Variants in DSE observed in about 807,000 individuals in gnomAD.
The protein encoded by DSE is dermatan-sulfate epimerase.
DSE carries 36 observed loss-of-function variants against 84.4 expected under a neutral mutation model. That is an observed-to-expected ratio of 0.43 (90% CI 0.33 to 0.56). The LOEUF is 0.56. DSE is among the 20% of genes least tolerant of loss of function. The pLI is 0.06. For missense variants in DSE, 862 were observed against 1,169.6 expected (o/e 0.74, Z 3.84); for synonymous variants, 410 against 430.1 (o/e 0.95, Z 0.58).
intron 2 of DSE, among the ~76,000 whole-genome samples, chr6:116,297,218 C>T (rs552896728): frequency 6.6e-6 from 1 of 152,242 alleles, no homozygotes; most frequent in East Asian, 1.9e-4. Context: ...CCAAAGTCAA[C>T]CCTAGGAGCC....
At chr6:116,323,397 G>A (rs1390019912) in intron 2 of DSE, among the ~76,000 whole-genome samples, 1 of 151,976 alleles carries the variant, frequency 6.6e-6, no homozygotes, top group Non-Finnish European at 1.5e-5. Context: ...TTTTTTTATT[G>A]AGTAGTGAGA....
intron 4 of DSE, among the ~76,000 whole-genome samples, chr6:116,431,907 A>AT (rs1197894535): frequency 6.6e-6 from 1 of 152,164 alleles, no homozygotes; most frequent in African/African-American, 2.4e-5. Flanking sequence ...ATCAGGATAG[A>AT]TTCCCCCCCT....
intron 2 of DSE, among the ~76,000 whole-genome samples, chr6:116,309,718 G>T (rs1170582133): frequency 6.6e-6 from 1 of 152,176 alleles, no homozygotes; most frequent in Non-Finnish European, 1.5e-5. Context: ...ACCGCAAGAT[G>T]GTTCAAGATG....
chr6:116,350,855 A>G (rs1778269120), intron 2 of DSE, among the ~76,000 whole-genome samples: 1 of 152,116 alleles, frequency 6.6e-6, no homozygotes, highest in Non-Finnish European at 1.5e-5. Flanking sequence ...GCCTTTAGAC[A>G]TGACGAACAT....
At chr6:116,344,576 C>T in intron 2 of DSE, among the ~76,000 whole-genome samples, 1 of 152,066 alleles carries the variant, frequency 6.6e-6, no homozygotes, top group Non-Finnish European at 1.5e-5. Flanking sequence ...TTCAGACAAG[C>T]AAATGCTGAG....
chr6:116,323,439 C>T lies in DSE; in HGVS notation c.-54+64472C>T, dbSNP rs189159947. ...TTTGACTTGCCAGAAAAATAAAAAA[C>T]TTTTCAGTGGCAGCAAGGCAGATAA... On this transcript the variant is annotated intron_variant, in intron 2 of 3. Transcript: ENST00000430252. Among the ~76,000 whole-genome samples the T allele has an allele frequency of 4.2e-3, 633 of 152,222 alleles. 4 individuals are homozygous for T. Among genetic ancestry groups the T allele is most frequent in the Middle Eastern group, 0.017 (5 of 294 alleles).
At chr6:116,317,462 T>C (rs1238990714) in intron 2 of DSE, among the ~76,000 whole-genome samples, 1 of 152,250 alleles carries the variant, frequency 6.6e-6, no homozygotes, top group African/African-American at 2.4e-5. Flanking sequence ...CTTTACACAT[T>C]CTTTAACCTG....
intron 2 of DSE, among the ~76,000 whole-genome samples, chr6:116,302,853 T>G (rs1313116584): frequency 1.3e-5 from 2 of 152,230 alleles, no homozygotes; most frequent in East Asian, 1.9e-4. Flanking sequence ...TGCAGTTTTC[T>G]GCATATGGCT....
chr6:116,350,753 A>T (rs1394614398), intron 2 of DSE, among the ~76,000 whole-genome samples: 2 of 152,208 alleles, frequency 1.3e-5, no homozygotes, highest in African/African-American at 4.8e-5. Flanking sequence ...AAGATGAGTT[A>T]TGTTCCATGC....
chr6:116,303,212 T>C (rs1775142857), intron 2 of DSE, among the ~76,000 whole-genome samples: 1 of 152,100 alleles, frequency 6.6e-6, no homozygotes, highest in African/African-American at 2.4e-5. Flanking sequence ...AACTTTACCC[T>C]CTTTATCTCG....
At chr6:116,328,720 TA>T (rs1390529123) in intron 2 of DSE, among the ~76,000 whole-genome samples, 2 of 152,246 alleles carry the variant, frequency 1.3e-5, no homozygotes, top group African/African-American at 4.8e-5. Context: ...CAAACCACTT[TA>T]TTCTTCTTAT....
intron 2 of DSE, among the ~76,000 whole-genome samples, chr6:116,325,752 T>C (rs547615879): frequency 7.2e-5 from 11 of 152,328 alleles, no homozygotes; most frequent in Admixed American, 2.6e-4. Flanking sequence ...CCTATCACTA[T>C]GTAGCAGGAC....
At chr6:116,331,012 G>C (rs1251320731) in intron 2 of DSE, among the ~76,000 whole-genome samples, 4 of 152,018 alleles carry the variant, frequency 2.6e-5, no homozygotes, top group Non-Finnish European at 5.9e-5. Flanking sequence ...ACAGAATAAA[G>C]GAAAAAATTA....
intron 2 of DSE, among the ~76,000 whole-genome samples, chr6:116,332,183 TA>T (rs753735434): frequency 3.9e-5 from 6 of 152,298 alleles, no homozygotes; most frequent in Admixed American, 3.9e-4. Flanking sequence ...CAAAAATATT[TA>T]AAACCTAAAA....
intron 2 of DSE, chr6:116,401,173 CATT>C (rs1443149141): frequency 2.0e-5 from 3 of 151,994 alleles, no homozygotes; most frequent in African/African-American, 7.2e-5. Flanking sequence ...ACAGTTTTCT[CATT>C]ATAATGTAAA....
intron 2 of DSE, among the ~76,000 whole-genome samples, chr6:116,364,548 A>C (rs1253691176): frequency 6.6e-6 from 1 of 152,258 alleles, no homozygotes; most frequent in Non-Finnish European, 1.5e-5. Context: ...TTTTACTGGA[A>C]TTCACTATGT....
chr6:116,416,305 G>T (rs997054740), intron 2 of DSE, among the ~76,000 whole-genome samples: 3 of 151,532 alleles, frequency 2.0e-5, no homozygotes, highest in Non-Finnish European at 4.4e-5. Context: ...TTTCTTGGGG[G>T]ACTGTTATTT....
chr6:116,377,892 A>C (rs968871699), intron 1 of DSE, among the ~76,000 whole-genome samples: 4 of 152,310 alleles, frequency 2.6e-5, no homozygotes, highest in Admixed American at 1.3e-4. Flanking sequence ...GACTATATCC[A>C]ATGAATTTCT....
chr6:116,360,517 G>T (rs1049764942), intron 2 of DSE, among the ~76,000 whole-genome samples: 2 of 152,092 alleles, frequency 1.3e-5, no homozygotes, highest in African/African-American at 4.8e-5. Context: ...GAAAATAAAG[G>T]TCACACCATT....
Sources: gnomAD v4.1 joint callset for allele counts (sites outside exome capture counted in the v4.1 genomes callset) on GRCh38, gnomAD v4.1.1 for gene constraint, MANE v1.5 for transcripts, NCBI Gene and HGNC (gene_info 2026-07-23, HGNC 2026-07-21) for gene names.